Variants in SMYD3 observed in about 807,000 individuals in gnomAD.
The protein encoded by SMYD3 is SET and MYND domain containing 3.
SMYD3 carries 36 observed loss-of-function variants against 57.7 expected under a neutral mutation model. That is an observed-to-expected ratio of 0.62 (90% CI 0.48 to 0.82). The LOEUF (loss-of-function observed/expected upper bound fraction) is 0.82. Ranked by LOEUF, SMYD3 falls within the 40% of genes least tolerant of loss-of-function variation. The pLI is 0.00. For missense variants in SMYD3, 515 were observed against 538.8 expected (o/e 0.96, Z 0.44); for synonymous variants, 211 against 195.0 (o/e 1.08, Z -0.68).
chr1:245,797,164 G>T (rs965144032), intron 10 of SMYD3, among the ~76,000 whole-genome samples: 1 of 152,024 alleles, frequency 6.6e-6, no homozygotes, highest in African/African-American at 2.4e-5. Context: ...CTTTGAACAG[G>T]GCTTTACTTC....
intron 5 of SMYD3, among the ~76,000 whole-genome samples, chr1:246,234,375 T>C (rs1328211481): frequency 6.6e-6 from 1 of 152,146 alleles, no homozygotes; most frequent in Non-Finnish European, 1.5e-5. Context: ...CAGTTCATAC[T>C]GTGATGAACA....
intron 10 of SMYD3, among the ~76,000 whole-genome samples, chr1:245,775,132 G>A (rs545188831): frequency 7.0e-4 from 104 of 147,820 alleles, no homozygotes; most frequent in African/African-American, 2.4e-3. Context: ...CCGTCTGGGA[G>A]GTGAGGAGCA....
At chr1:245,843,540 ATGTGTGTGTG>A (rs10531765) in intron 10 of SMYD3, among the ~76,000 whole-genome samples, 17,499 of 149,504 alleles carry the variant, frequency 0.12, 2,014 homozygotes, top group African/African-American at 0.3. Context: ...GTATATATAT[ATGTGTGTGTG>A]TGTGTGTGTG....
chr1:245,854,459 C>T (rs4654138), intron 10 of SMYD3, among the ~76,000 whole-genome samples: 118,756 of 152,010 alleles, frequency 0.78, 47,961 homozygotes, highest in Non-Finnish European at 0.9. Flanking sequence ...AAAATTATGG[C>T]ATATCCATGA....
At chr1:246,445,139 C>A (rs956736004) in intron 1 of SMYD3, among the ~76,000 whole-genome samples, 6 of 152,154 alleles carry the variant, frequency 3.9e-5, no homozygotes, top group African/African-American at 1.2e-4. Flanking sequence ...TAGCACAAAA[C>A]GTAGCATGTA....
intron 5 of SMYD3, among the ~76,000 whole-genome samples, chr1:246,142,899 T>C (rs1388135076): frequency 6.6e-6 from 1 of 152,090 alleles, no homozygotes; most frequent in Non-Finnish European, 1.5e-5. Flanking sequence ...GTGATCTTAG[T>C]TCCAACCTTT....
chr1:246,378,839 T>C (rs1214847650), intron 1 of SMYD3, among the ~76,000 whole-genome samples: 2 of 118,170 alleles, frequency 1.7e-5, no homozygotes, highest in Non-Finnish European at 3.3e-5. Flanking sequence ...TATATATAAT[T>C]ATATATAATA....
At chr1:246,414,755 TCGC>T (rs2067033052) in intron 1 of SMYD3, among the ~76,000 whole-genome samples, 1 of 148,038 alleles carries the variant, frequency 6.8e-6, no homozygotes. Context: ...TCTTGCTCTG[TCGC>T]CCAGACCAGA....
At chr1:245,828,657 C>T (rs1179537298) in intron 10 of SMYD3, among the ~76,000 whole-genome samples, 1 of 151,302 alleles carries the variant, frequency 6.6e-6, no homozygotes, top group Admixed American at 6.6e-5. Context: ...AAACCTGATG[C>T]AGATAGAAGA....
chr1:246,141,631 C>A (rs2061757197), intron 5 of SMYD3, among the ~76,000 whole-genome samples: 1 of 152,120 alleles, frequency 6.6e-6, no homozygotes. Flanking sequence ...CCACAGCCCC[C>A]CTGAATGTAC....
intron 10 of SMYD3, among the ~76,000 whole-genome samples, chr1:245,823,763 C>T (rs564535979): frequency 3.9e-5 from 6 of 152,258 alleles, no homozygotes; most frequent in East Asian, 3.9e-4. Flanking sequence ...ACAGTGAGAC[C>T]GCCAAATGAG....
At chr1:245,947,459 AC>A in intron 5 of SMYD3, 1 of 455,880 alleles carries the variant, frequency 2.2e-6, no homozygotes, top group Middle Eastern at 3.3e-4. Context: ...GCCTTCTGCT[AC>A]CCCATGTCAC....
At chr1:246,144,291 C>T (rs2061809339) in intron 5 of SMYD3, among the ~76,000 whole-genome samples, 1 of 152,182 alleles carries the variant, frequency 6.6e-6, no homozygotes, top group Non-Finnish European at 1.5e-5. Context: ...CTAACACAGC[C>T]CCTTCTCAAT....
At chr1:245,958,048 G>T (rs1004906856) in intron 5 of SMYD3, among the ~76,000 whole-genome samples, 1 of 152,112 alleles carries the variant, frequency 6.6e-6, no homozygotes, top group Non-Finnish European at 1.5e-5. Flanking sequence ...GAAACAAGCG[G>T]GTTTTCTATC....
chr1:246,147,040 TC>T (rs2061854935), intron 5 of SMYD3, among the ~76,000 whole-genome samples: 2 of 151,988 alleles, frequency 1.3e-5, no homozygotes, highest in South Asian at 4.2e-4. Flanking sequence ...ATAATTAGAT[TC>T]CCCCTCGCTT....
At chr1:246,195,759 C>T (rs552290075) in intron 5 of SMYD3, among the ~76,000 whole-genome samples, 1 of 152,272 alleles carries the variant, frequency 6.6e-6, no homozygotes, top group African/African-American at 2.4e-5. Flanking sequence ...AATACAACAT[C>T]GCATACCTGG....
intron 1 of SMYD3, among the ~76,000 whole-genome samples, chr1:246,460,037 AAGACAC>A (rs1425844559): frequency 6.6e-6 from 1 of 152,068 alleles, no homozygotes; most frequent in Non-Finnish European, 1.5e-5. Context: ...CCCAAATCAC[AAGACAC>A]ACCCCTACGC....
intron 5 of SMYD3, among the ~76,000 whole-genome samples, chr1:245,945,173 A>C (rs1205352678): frequency 6.6e-6 from 1 of 152,206 alleles, no homozygotes; most frequent in East Asian, 1.9e-4. Context: ...CAGCAAAAGA[A>C]ACTGTCATCA....
chr1:246,249,453 A>C (rs2063764397), intron 5 of SMYD3, among the ~76,000 whole-genome samples: 1 of 152,188 alleles, frequency 6.6e-6, no homozygotes, highest in South Asian at 2.1e-4. Flanking sequence ...ACAAATATGG[A>C]AACTATTAAA....
Sources: allele counts gnomAD v4.1 joint callset (sites outside exome capture counted in the v4.1 genomes callset), GRCh38; gene constraint gnomAD v4.1.1; transcripts MANE v1.5; gene names NCBI Gene and HGNC (gene_info 2026-07-23, HGNC 2026-07-21).